ARNT2: variants seen among roughly 807,000 people sequenced by gnomAD.
ARNT2 encodes the protein aryl hydrocarbon receptor nuclear translocator 2.
Under a neutral mutation model 91.7 loss-of-function variants are expected in ARNT2, and 36 were observed. The ratio of observed to expected loss-of-function variants is 0.39; its 90% CI spans 0.30 to 0.52. The LOEUF is 0.52. Among genes scored for constraint, ARNT2 ranks in the 20% least tolerant of loss-of-function variants. The probability of loss-of-function intolerance (pLI) is 0.72; values close to 1 mark genes in which losing one functional copy is unlikely to be tolerated. For missense variants in ARNT2, 775 were observed against 939.3 expected, an observed-to-expected ratio of 0.83 and a Z score of 2.29; for synonymous variants, 365 against 347.1, an observed-to-expected ratio of 1.05 and a Z score of -0.57.
At chr15:80,547,412 A>G (rs1169112097) in intron 8 of ARNT2, among the ~76,000 whole-genome samples, 1 of 152,226 alleles carries the variant, frequency 6.6e-6, no homozygotes, top group Non-Finnish European at 1.5e-5. Flanking sequence ...TATGAGTTGT[A>G]TTAAGCCCCG....
intron 3 of ARNT2, among the ~76,000 whole-genome samples, chr15:80,463,263 A>G (rs1039195403): frequency 6.6e-6 from 1 of 152,148 alleles, no homozygotes; most frequent in Non-Finnish European, 1.5e-5. Context: ...GACACACTGG[A>G]TGGGTACGTG....
intron 8 of ARNT2, among the ~76,000 whole-genome samples, chr15:80,544,238 C>T (rs890580370): frequency 6.6e-6 from 1 of 152,272 alleles, no homozygotes; most frequent in Non-Finnish European, 1.5e-5. Context: ...TGTTTTCCTT[C>T]ATTATGGGTT....
At position 80,595,960 on chromosome 15, in the gene ARNT2, C is replaced by G. The variant is rs1893368394; in HGVS notation, c.*2262C>G. ...TGAAATGAAAACAGTCTTTTTATAGCCTTTAGCTTGTGAGTTTGGAAGTTT... is the reference window on the plus strand; with the variant it reads ...TGAAATGAAAACAGTCTTTTTATAGGCTTTAGCTTGTGAGTTTGGAAGTTT... On this transcript the variant is annotated 3_prime_UTR_variant, in exon 19 of 19. Coordinates refer to ENST00000303329, the MANE Select transcript of ARNT2 (RefSeq NM_014862.4). 6.6e-6 allele frequency: 1 copy of G among 152,206 alleles called. No homozygotes were observed. Among genetic ancestry groups the G allele is most frequent in the Non-Finnish European group, 1.5e-5 (1 of 68,042 alleles). The allele number at this position is 152,206 out of a possible 1,614,324, so 9.4% of individuals were successfully genotyped here. A position where few individuals can be genotyped will look rare whatever the true frequency, so the allele number is the denominator to read the frequency against.
intron 17 of ARNT2, among the ~76,000 whole-genome samples, chr15:80,589,987 G>A (rs1893244725): frequency 6.6e-6 from 1 of 152,118 alleles, no homozygotes; most frequent in Non-Finnish European, 1.5e-5. Flanking sequence ...AAGCACCAAT[G>A]GTAAGGCATT....
At chr15:80,462,242 T>C (rs1016357680) in intron 3 of ARNT2, among the ~76,000 whole-genome samples, 20 of 152,240 alleles carry the variant, frequency 1.3e-4, no homozygotes, top group Non-Finnish European at 2.5e-4. Flanking sequence ...CACCTTCTCA[T>C]ACCGGCAGCT....
intron 1 of ARNT2, among the ~76,000 whole-genome samples, chr15:80,410,795 TCTATCTATCTA>T: frequency 1.3e-5 from 2 of 151,678 alleles, no homozygotes; most frequent in Non-Finnish European, 2.9e-5. Context: ...TATCTATCTA[TCTATCTATCTA>T]TCTATCATCT....
chr15:80,461,494 G>T (rs903110753), intron 3 of ARNT2, among the ~76,000 whole-genome samples: 4 of 152,218 alleles, frequency 2.6e-5, no homozygotes, highest in African/African-American at 7.2e-5. Context: ...GTGGGAGTTT[G>T]AGAGGGCTGG....
At chr15:80,528,087 T>C (rs1897667395) in intron 8 of ARNT2, among the ~76,000 whole-genome samples, 1 of 152,132 alleles carries the variant, frequency 6.6e-6, no homozygotes. Flanking sequence ...ATGGAGAAGC[T>C]GTGAGGCCGA....
At chr15:80,530,226 A>G (rs993088917) in intron 8 of ARNT2, among the ~76,000 whole-genome samples, 5 of 152,204 alleles carry the variant, frequency 3.3e-5, no homozygotes, top group Non-Finnish European at 7.3e-5. Flanking sequence ...AGGAATGTTT[A>G]GCTTTGCTGC....
At chr15:80,574,587 G>A (rs1232315361) in intron 13 of ARNT2, among the ~76,000 whole-genome samples, 2 of 152,180 alleles carry the variant, frequency 1.3e-5, no homozygotes, top group African/African-American at 2.4e-5. Context: ...CACTGCCTGT[G>A]TCCTGTTCTT....
intron 17 of ARNT2, among the ~76,000 whole-genome samples, chr15:80,584,813 G>A (rs989164325): frequency 6.6e-6 from 1 of 152,212 alleles, no homozygotes; most frequent in Non-Finnish European, 1.5e-5. Flanking sequence ...AGAGCCCAGA[G>A]AGATAATGCG....
At chr15:80,539,690 C>G (rs143954636) in intron 8 of ARNT2, among the ~76,000 whole-genome samples, 1 of 151,950 alleles carries the variant, frequency 6.6e-6, no homozygotes, top group Non-Finnish European at 1.5e-5. Context: ...CATGAAAAAC[C>G]TAATCCAGTC....
intron 3 of ARNT2, among the ~76,000 whole-genome samples, chr15:80,465,272 C>T (rs1373842023): frequency 6.6e-6 from 1 of 152,172 alleles, no homozygotes; most frequent in African/African-American, 2.4e-5. Flanking sequence ...GGGAAATGAG[C>T]ACAAATTCTG....
At chr15:80,534,599 T>G (rs976827683) in intron 8 of ARNT2, among the ~76,000 whole-genome samples, 1 of 152,174 alleles carries the variant, frequency 6.6e-6, no homozygotes, top group Admixed American at 6.5e-5. Flanking sequence ...TTTAGCTTAT[T>G]TTGGATGTCA....
At chr15:80,429,447 G>A (rs904930576) in intron 1 of ARNT2, among the ~76,000 whole-genome samples, 3 of 152,228 alleles carry the variant, frequency 2.0e-5, no homozygotes, top group African/African-American at 7.2e-5. Context: ...GCAAGGTGGG[G>A]CGCCTGGAGA....
intron 8 of ARNT2, among the ~76,000 whole-genome samples, chr15:80,523,240 CGA>C (rs1897581933): frequency 6.6e-6 from 1 of 152,100 alleles, no homozygotes; most frequent in African/African-American, 2.4e-5. Context: ...GGGAGATTTC[CGA>C]GAGTGGCCCA....
At chr15:80,509,150 A>G (rs2141424820) in intron 6 of ARNT2, among the ~76,000 whole-genome samples, 1 of 152,256 alleles carries the variant, frequency 6.6e-6, no homozygotes, top group Admixed American at 6.5e-5. Context: ...ATGTTAAGTA[A>G]AGCAAACAAG....
At chr15:80,575,173 T>C in intron 14 of ARNT2, 63 bp downstream of exon 14, 2 of 1,590,254 alleles carry the variant, frequency 1.3e-6, no homozygotes, top group Non-Finnish European at 1.7e-6. Flanking sequence ...TCAGGCCATC[T>C]ACAGACAGCT....
chr15:80,441,346 G>A, intron 1 of ARNT2: 1 of 985,386 alleles, frequency 1.0e-6, no homozygotes. Flanking sequence ...TGGTCACAAG[G>A]AAGAAAGATC....
Sources: gnomAD v4.1 joint callset for allele counts (sites outside exome capture counted in the v4.1 genomes callset) on GRCh38, gnomAD v4.1.1 for gene constraint, MANE v1.5 for transcripts, NCBI Gene and HGNC (gene_info 2026-07-23, HGNC 2026-07-21) for gene names.